ANK2: variants seen among roughly 807,000 people sequenced by gnomAD.
The protein encoded by ANK2 is ankyrin 2, also known as ankyrin-2.
Under a neutral mutation model 360.5 loss-of-function variants are expected in ANK2, and 83 were observed. That is an observed-to-expected ratio of 0.23 (90% CI 0.19 to 0.28). ANK2 has a LOEUF of 0.28. Among genes scored for constraint, ANK2 ranks in the 10% least tolerant of loss-of-function variants. ANK2 has a pLI of 1.00. For synonymous variants in ANK2, 1,740 were observed against 1,759.5 expected, an observed-to-expected ratio of 0.99 and a Z score of 0.28; for missense variants, 4,201 against 4,795.7, an observed-to-expected ratio of 0.88 and a Z score of 3.66.
chr4:112,800,138 A>G, the ANK2 span, among the ~76,000 whole-genome samples: 1 of 152,192 alleles, frequency 6.6e-6, no homozygotes, highest in East Asian at 1.9e-4. Context: ...CAAAATGTGG[A>G]GTCACGACAA....
chr4:112,939,403 T>C (rs2094019878), intron 2 of ANK2, among the ~76,000 whole-genome samples: 1 of 151,778 alleles, frequency 6.6e-6, no homozygotes, highest in Non-Finnish European at 1.5e-5. Context: ...TCCGCCTCCC[T>C]TGTTCAAGCG....
At chr4:113,134,915 C>T (rs538515689) in intron 1 of ANK2, among the ~76,000 whole-genome samples, 13 of 152,240 alleles carry the variant, frequency 8.5e-5, no homozygotes, top group African/African-American at 3.1e-4. Context: ...ATTGGAAATT[C>T]TAATTTTAGA....
At chr4:113,259,050 A>G (rs1187695635) in intron 13 of ANK2, among the ~76,000 whole-genome samples, 1 of 152,238 alleles carries the variant, frequency 6.6e-6, no homozygotes, top group Non-Finnish European at 1.5e-5. Context: ...ACTTTCATTC[A>G]ATCAACAAGT....
chr4:113,196,612 C>G (rs1368597554), intron 3 of ANK2, 146 bp downstream of exon 3: 5 of 770,178 alleles, frequency 6.5e-6, no homozygotes, highest in Non-Finnish European at 1.1e-5. Flanking sequence ...ACCGAAACCT[C>G]CACCTCCTGG....
At chr4:113,175,740 G>T (rs1562628980) in intron 2 of ANK2, among the ~76,000 whole-genome samples, 1 of 152,176 alleles carries the variant, frequency 6.6e-6, no homozygotes, top group African/African-American at 2.4e-5. Flanking sequence ...CAGTGAGGTG[G>T]TTGTTTCAAA....
At chr4:112,820,055 G>C (rs1578978196) in intron 1 of ANK2, among the ~76,000 whole-genome samples, 2 of 152,190 alleles carry the variant, frequency 1.3e-5, no homozygotes, top group South Asian at 4.1e-4. Context: ...CACATTTCCT[G>C]CTTCTCAGGG....
At chr4:112,941,654 GAT>G (rs1007399674) in intron 2 of ANK2, among the ~76,000 whole-genome samples, 18 of 142,462 alleles carry the variant, frequency 1.3e-4, no homozygotes, top group East Asian at 2.0e-4. Context: ...TAAATATATA[GAT>G]ATATATAAAT....
intron 23 of ANK2, among the ~76,000 whole-genome samples, chr4:113,307,720 T>A (rs1430944032): frequency 6.6e-6 from 1 of 152,180 alleles, no homozygotes; most frequent in African/African-American, 2.4e-5. Flanking sequence ...CACTTTAAGT[T>A]ATTCCCATGC....
chr4:113,311,189 G>A, intron 23 of ANK2, 66 bp from the exon 24 acceptor site: 3 of 1,596,384 alleles, frequency 1.9e-6, no homozygotes, highest in Non-Finnish European at 2.6e-6. Context: ...TCACAATCAT[G>A]ACCATATGTT....
chr4:113,115,030 A>G (rs2094626043), intron 1 of ANK2, among the ~76,000 whole-genome samples: 1 of 152,166 alleles, frequency 6.6e-6, no homozygotes, highest in South Asian at 2.1e-4. Context: ...GGCATTCAGA[A>G]CACCCTGTGC....
chr4:113,200,790 A>G (rs577060636), intron 4 of ANK2, among the ~76,000 whole-genome samples: 105 of 151,352 alleles, frequency 6.9e-4, no homozygotes, highest in Non-Finnish European at 1.3e-3. Flanking sequence ...AATAAACATA[A>G]GGGTGCAGGT....
rs185308242 is a variant in ANK2, at chr4:113,327,832, T to C, written c.2901-2414T>C. On this transcript the variant is annotated intron_variant, in intron 26 of 45. Coordinates refer to ENST00000357077, the MANE Select transcript of ANK2 (RefSeq NM_001148.6). The stretch of plus-strand genomic sequence containing the variant: ...TCTTAGCAGGGCACTTGACACTTAA[T>C]AGGAGGGTAACAAATGTTGCATTGA... 2.8e-4 allele frequency among the ~76,000 whole-genome samples: 42 copies of C among 152,288 alleles called. No homozygotes were observed. In the East Asian group the frequency reaches 7.7e-3, roughly 28 times the overall value.
intron 1 of ANK2, among the ~76,000 whole-genome samples, chr4:112,866,937 C>G (rs1335379959): frequency 6.6e-6 from 1 of 151,978 alleles, no homozygotes; most frequent in Non-Finnish European, 1.5e-5. Flanking sequence ...ATCTAAGTTT[C>G]CAAAATTACT....
At chr4:113,238,140 A>G (rs985549967) in intron 7 of ANK2, among the ~76,000 whole-genome samples, 2 of 152,156 alleles carry the variant, frequency 1.3e-5, no homozygotes, top group African/African-American at 4.8e-5. Flanking sequence ...AAGTCTTAAA[A>G]TACTTGTCAT....
At chr4:113,337,399 C>T (rs1488052554) in intron 31 of ANK2, among the ~76,000 whole-genome samples, 3 of 152,166 alleles carry the variant, frequency 2.0e-5, no homozygotes. Context: ...AAGACACTCC[C>T]AGAACGTTGG....
chr4:113,102,171 G>C (rs2092957139), intron 1 of ANK2, among the ~76,000 whole-genome samples: 1 of 151,976 alleles, frequency 6.6e-6, no homozygotes, highest in Non-Finnish European at 1.5e-5. Context: ...TTATAGACCT[G>C]GTGAGCAGCA....
chr4:112,814,368 A>G (rs914793682), upstream of ANK2, among the ~76,000 whole-genome samples: 2 of 152,192 alleles, frequency 1.3e-5, no homozygotes, highest in Admixed American at 6.5e-5. Flanking sequence ...TAGTTTCATT[A>G]AAGGGTGTTA....
At chr4:112,738,412 C>CAAA in the ANK2 span, among the ~76,000 whole-genome samples, 5 of 50,988 alleles carry the variant, frequency 9.8e-5, no homozygotes, top group East Asian at 6.1e-4. Flanking sequence ...GAGTCTGTCT[C>CAAA]AAAAAAAAAA....
At chr4:112,983,629 C>G (rs556974129) in intron 2 of ANK2, among the ~76,000 whole-genome samples, 2 of 151,938 alleles carry the variant, frequency 1.3e-5, no homozygotes, top group Non-Finnish European at 2.9e-5. Flanking sequence ...GACCCAAGAT[C>G]TCACCATTGC....
Sources: gnomAD v4.1 joint callset for allele counts (sites outside exome capture counted in the v4.1 genomes callset) on GRCh38, gnomAD v4.1.1 for gene constraint, MANE v1.5 for transcripts, NCBI Gene and HGNC (gene_info 2026-07-23, HGNC 2026-07-21) for gene names.